Variants in SNED1 observed in about 807,000 individuals in gnomAD.
SNED1 encodes the protein sushi, nidogen and EGF-like domain-containing protein 1.
In SNED1, 81 loss-of-function variants were observed where a neutral mutation model predicts 166.7. The ratio of observed to expected loss-of-function variants is 0.49; its 90% confidence interval spans 0.41 to 0.58. The LOEUF is 0.58. SNED1 is among the 20% of genes least tolerant of loss of function. The pLI is 0.00. For synonymous variants in SNED1, 762 were observed against 822.0 expected (o/e 0.93, Z 1.25); for missense variants, 1,604 against 2,000.2 (o/e 0.80, Z 3.78).
intron 1 of SNED1, among the ~76,000 whole-genome samples, chr2:241,003,421 G>GTT (rs1241426619): frequency 6.6e-6 from 1 of 152,240 alleles, no homozygotes; most frequent in African/African-American, 2.4e-5. Context: ...ACCCTGAGCA[G>GTT]TAAGTCCTCC....
intron 28 of SNED1, 67 bp downstream of exon 28, chr2:241,081,860 G>A: frequency 8.1e-7 from 1 of 1,239,378 alleles, no homozygotes; most frequent in Non-Finnish European, 1.2e-6. Context: ...AGGACTGCTG[G>A]GCCACAGCTG....
chr2:241,062,739 A>G, intron 16 of SNED1, 52 bp from the exon 17 acceptor site: 1 of 1,235,190 alleles, frequency 8.1e-7, no homozygotes, highest in East Asian at 2.5e-5. Context: ...GTGCATCTTA[A>G]TTTGGCTTAA....
intron 12 of SNED1, 105 bp downstream of exon 12, chr2:241,050,038 G>C: frequency 1.2e-6 from 1 of 824,782 alleles, no homozygotes; most frequent in Non-Finnish European, 2.1e-6. Context: ...GCGAATTGCT[G>C]ACCTCGTCTA....
chr2:241,066,407 G>A (rs915594562), intron 21 of SNED1, among the ~76,000 whole-genome samples: 12 of 152,338 alleles, frequency 7.9e-5, no homozygotes, highest in African/African-American at 2.9e-4. Flanking sequence ...AAAGCAGAGG[G>A]CTGGCCTTCC....
At chr2:241,085,860 CTTTTTTTT>C (rs772995766) in intron 29 of SNED1, among the ~76,000 whole-genome samples, 2 of 79,192 alleles carry the variant, frequency 2.5e-5, no homozygotes, top group African/African-American at 1.0e-4. Flanking sequence ...TCTGCGGTTT[CTTTTTTTT>C]TTTTTTTTTT....
chr2:241,031,510 C>T (rs550115794), intron 2 of SNED1, among the ~76,000 whole-genome samples: 26 of 152,350 alleles, frequency 1.7e-4, no homozygotes, highest in East Asian at 1.2e-3. Context: ...GCAGACAAGA[C>T]GCATCTGCCC....
intron 27 of SNED1, 131 bp from the exon 28 acceptor site, chr2:241,081,546 C>T (rs2063329461): frequency 1.0e-5 from 7 of 683,184 alleles, no homozygotes; most frequent in Admixed American, 9.2e-5. Flanking sequence ...TTTGGGAGGC[C>T]ACCGCAGCAC....
intron 27 of SNED1, among the ~76,000 whole-genome samples, chr2:241,079,246 A>C (rs2063205453): frequency 6.6e-6 from 1 of 150,794 alleles, no homozygotes; most frequent in Admixed American, 6.6e-5. Flanking sequence ...CCCCATCTCT[A>C]CTAAAAATAC....
intron 17 of SNED1, 64 bp downstream of exon 17, chr2:241,062,968 C>T: frequency 3.7e-6 from 4 of 1,071,828 alleles, no homozygotes; most frequent in Non-Finnish European, 5.3e-6. Context: ...GCCTGAGGCA[C>T]TGGGTCCCCC....
Position 241,092,643 on chromosome 2 carries a change from C to T in SNED1, c.*1007C>T, listed in dbSNP as rs962358742. On this transcript the variant is annotated 3_prime_UTR_variant, in exon 32 of 32. Coordinates refer to ENST00000310397, the MANE Select transcript of SNED1 (RefSeq NM_001080437.3). The surrounding 1 kb of genome is among the most constrained non-coding windows in gnomAD (Gnocchi z 4.6). Reference sequence around the variant, plus strand: ...GCCACGAAGCAGCAAGGACGCCTTACAAGTCTCAGTGCAACAGAGATGGAC... The same window carrying T: ...GCCACGAAGCAGCAAGGACGCCTTATAAGTCTCAGTGCAACAGAGATGGAC... 6.6e-6 allele frequency: 1 copy of T among 152,226 alleles called. No individual in the cohort carries two copies. The highest frequency in any genetic ancestry group is 2.4e-5 in the African/African-American group (1 of 41,450). The allele number at this position is 152,226 out of a possible 1,614,324, so 9.4% of individuals were successfully genotyped here. A position where few individuals can be genotyped will look rare whatever the true frequency, so the allele number is the denominator to read the frequency against.
At chr2:241,074,569 G>A (rs2062929006) in intron 27 of SNED1, 1 of 152,166 alleles carries the variant, frequency 6.6e-6, no homozygotes, top group Non-Finnish European at 1.5e-5. Context: ...TTCAGCAGGA[G>A]AGATTCAAGA....
chr2:241,071,715 C>T lies in SNED1; in HGVS notation c.3729C>T (p.Pro1243=). ...DHSAPETPTQ[P]PRFSELVDGR... ...GCGCCCCCGAGACCCCCACCCAGCCCCCCAGGTACATGCCCCACCCATCGG... is the reference window on the plus strand; with the variant it reads ...GCGCCCCCGAGACCCCCACCCAGCCTCCCAGGTACATGCCCCACCCATCGG... The change falls in exon 25 of 32, where the codon CCC becomes CCT. Residue 1243 remains proline, a synonymous_variant. Transcript: ENST00000310397. 1 of 1,505,598 alleles carries T rather than the reference C, an allele frequency of 6.6e-7. No individual in the cohort carries two copies. Among genetic ancestry groups the T allele is most frequent in the Non-Finnish European group, 9.0e-7 (1 of 1,115,622 alleles). The allele number at this position is 1,505,598 out of a possible 1,614,324, so 93.3% of individuals were successfully genotyped here.
Position 240,999,198 on chromosome 2 carries a change from G to C in SNED1, c.213+148G>C, listed in dbSNP as rs2060001637. On this transcript the variant is annotated intron_variant, in intron 1 of 31. Transcript: ENST00000310397. This position sits in a 1 kb window ranked among gnomAD's most constrained non-coding sequence, Gnocchi z 5.8. ...GGAATGAGGACAGCGCTTCCTCCTC[G>C]GCGGCCAAGGCCGGACAGCGGCCCG... 2.5e-6 allele frequency: 1 copy of C among 396,518 alleles called. No homozygotes were observed. The highest frequency in any genetic ancestry group is 4.0e-6 in the Non-Finnish European group (1 of 252,084). 24.6% of individuals were successfully genotyped at this position (396,518 alleles called of 1,614,324 possible).
chr2:241,050,034 TG>T (rs1275390266), intron 12 of SNED1, 101 bp downstream of exon 12: 1 of 827,412 alleles, frequency 1.2e-6, no homozygotes, highest in Non-Finnish European at 2.1e-6. Flanking sequence ...TTTCGCGAAT[TG>T]CTGACCTCGT....
chr2:241,034,066 A>G (rs972882254), intron 3 of SNED1, among the ~76,000 whole-genome samples, 191 bp downstream of exon 3: 4 of 152,076 alleles, frequency 2.6e-5, no homozygotes, highest in Admixed American at 2.0e-4. Flanking sequence ...CCTCAGGCCC[A>G]AAGGCACCTT....
intron 4 of SNED1, among the ~76,000 whole-genome samples, chr2:241,036,070 G>A (rs1289515884): frequency 6.1e-5 from 7 of 115,130 alleles, no homozygotes; most frequent in African/African-American, 1.7e-4. Context: ...CAGGGTGGGG[G>A]GTGGGGGGTG....
intron 4 of SNED1, chr2:241,035,716 G>A (rs1359409600): frequency 6.7e-6 from 1 of 149,562 alleles, no homozygotes; most frequent in Non-Finnish European, 1.5e-5. Flanking sequence ...CGGAGGCGGG[G>A]TGCAGGCGCG....
At chr2:241,038,854 G>A (rs1029680974) in intron 6 of SNED1, among the ~76,000 whole-genome samples, 2 of 152,174 alleles carry the variant, frequency 1.3e-5, no homozygotes, top group Non-Finnish European at 2.9e-5. Flanking sequence ...GGCCTATGAT[G>A]AGGGTCCCCA....
Position 241,068,887 on chromosome 2 carries a change from CTCTT to C in SNED1, c.3195-22_3195-19del, listed in dbSNP as rs745913348. ...CACAGGTCCCAGACATCCCTGTTCT[CTCTT>C]TGTCACCTCCTGCCCACAGGGCCCT... is the stretch of plus-strand genomic sequence containing the variant. On this transcript the variant is annotated intron_variant, in intron 22 of 31. Transcript: ENST00000310397. This position sits in a 1 kb window ranked among gnomAD's most constrained non-coding sequence, Gnocchi z 5.3. 108 of 1,499,864 alleles carry C rather than the reference CTCTT, an allele frequency of 7.2e-5. No individual in the cohort carries two copies. The Middle Eastern group carries it at 8.5e-4, about 12-fold the overall frequency. 92.9% of individuals were successfully genotyped at this position (1,499,864 alleles called of 1,614,324 possible).
Sources: allele counts gnomAD v4.1 joint callset (sites outside exome capture counted in the v4.1 genomes callset), GRCh38; gene constraint gnomAD v4.1.1; non-coding constraint Gnocchi (gnomAD v3.1); transcripts MANE v1.5; gene names NCBI Gene and HGNC (gene_info 2026-07-23, HGNC 2026-07-21).